PLXNA4: variants seen among roughly 807,000 people sequenced by gnomAD.
The protein encoded by PLXNA4 is plexin A4.
In PLXNA4, 44 loss-of-function variants were observed where a neutral mutation model predicts 191.8. The observed-to-expected ratio is 0.23, with a 90% CI of 0.18 to 0.29. PLXNA4 has a LOEUF of 0.29. Among genes scored for constraint, PLXNA4 ranks in the 10% least tolerant of loss-of-function variants. The pLI, the probability that PLXNA4 is intolerant of heterozygous loss-of-function variation, is 1.00. For synonymous variants in PLXNA4, 1,082 were observed against 1,009.5 expected (o/e 1.07, Z -1.36); for missense variants, 1,800 against 2,488.8 (o/e 0.72, Z 5.89).
At chr7:132,170,048 A>G (rs1584789742) in intron 21 of PLXNA4, among the ~76,000 whole-genome samples, 1 of 152,002 alleles carries the variant, frequency 6.6e-6, no homozygotes, top group South Asian at 2.1e-4. Flanking sequence ...GTTCTTTGAG[A>G]AGGAGTGTCA....
chr7:132,429,692 G>A lies in PLXNA4; in HGVS notation c.1371+59600C>T, dbSNP rs77213043. Among the ~76,000 whole-genome samples, 359 of 152,248 alleles carry A rather than the reference G, an allele frequency of 2.4e-3. 2 individuals are homozygous for A. Among genetic ancestry groups the A allele is most frequent in the African/African-American group, 8.2e-3 (342 of 41,544 alleles). On this transcript the variant is annotated intron_variant, in intron 3 of 31. Transcript: ENST00000321063. ...TCCAGTCCATGGGTTGGAGTTTGCC[G>A]ACTGTTGCTCTAGGATGTTGCTAGA... is the stretch of plus-strand genomic sequence containing the variant.
intron 19 of PLXNA4, 110 bp from the exon 20 acceptor site, chr7:132,180,031 C>A (rs1796654357): frequency 6.9e-6 from 10 of 1,447,402 alleles, no homozygotes; most frequent in Non-Finnish European, 9.1e-6. Context: ...GGAAAGGAGA[C>A]CAATCACTGG....
chr7:132,484,970 A>G, intron 3 of PLXNA4: 3 of 1,614,120 alleles, frequency 1.9e-6, no homozygotes, highest in Non-Finnish European at 1.7e-6. Context: ...CTCCACTCCA[A>G]TCCACTCCTG....
chr7:132,423,590 G>A (rs1794929701), intron 3 of PLXNA4, among the ~76,000 whole-genome samples: 2 of 152,198 alleles, frequency 1.3e-5, no homozygotes. Flanking sequence ...AAGAGGGGAA[G>A]TGACATCCTT....
chr7:132,297,699 C>A (rs11763799), intron 4 of PLXNA4, among the ~76,000 whole-genome samples: 5,707 of 152,224 alleles, frequency 0.037, 163 homozygotes, highest in Middle Eastern at 0.068. Flanking sequence ...GCAATAAATT[C>A]TTGATCCCAC....
Position 132,508,145 on chromosome 7 carries a change from C to T in PLXNA4, c.549G>A (p.Leu183=). 6.2e-7 allele frequency: 1 copy of T among 1,614,204 alleles called. No homozygotes were observed. Among genetic ancestry groups the T allele is most frequent in the Non-Finnish European group, 8.5e-7 (1 of 1,180,050 alleles). Residue 183 remains leucine, a synonymous_variant, in exon 2 of 32, where the codon CTG becomes CTA. Transcript: ENST00000321063. This position sits in a 1 kb window ranked among gnomAD's most constrained non-coding sequence, Gnocchi z 4.4. ...IVSYSNLDDK[L]FIATAVDGKP... Reference sequence around the variant, plus strand: ...TCCCATCCACTGCCGTGGCAATGAACAGCTTGTCATCCAGGTTGCTGTAGG... The same window carrying T: ...TCCCATCCACTGCCGTGGCAATGAATAGCTTGTCATCCAGGTTGCTGTAGG...
chr7:132,527,101 T>C (rs1012706273), intron 1 of PLXNA4, among the ~76,000 whole-genome samples: 1 of 152,186 alleles, frequency 6.6e-6, no homozygotes, highest in African/African-American at 2.4e-5. Context: ...TAATGGACAG[T>C]TGTAAATCCA....
intron 1 of PLXNA4, among the ~76,000 whole-genome samples, chr7:132,548,387 G>A (rs745531887): frequency 6.6e-6 from 1 of 152,156 alleles, no homozygotes; most frequent in African/African-American, 2.4e-5. Context: ...TTTAAAAAAT[G>A]TCCCACCATT....
intron 5 of PLXNA4, among the ~76,000 whole-genome samples, chr7:132,234,736 A>G (rs1798641556): frequency 6.6e-6 from 1 of 152,044 alleles, no homozygotes; most frequent in South Asian, 2.1e-4. Context: ...ATTCCAATGT[A>G]CTAGTATCTG....
At chr7:132,292,906 G>C (rs908839523) in intron 4 of PLXNA4, among the ~76,000 whole-genome samples, 1 of 152,192 alleles carries the variant, frequency 6.6e-6, no homozygotes, top group African/African-American at 2.4e-5. Flanking sequence ...CATGAGGAGG[G>C]ACCAGCCACA....
chr7:132,426,568 G>T (rs1275912882), intron 3 of PLXNA4, among the ~76,000 whole-genome samples: 1 of 152,150 alleles, frequency 6.6e-6, no homozygotes, highest in Non-Finnish European at 1.5e-5. Context: ...ATTTGCTCTA[G>T]TAGCAGATTT....
At chr7:132,477,356 G>C (rs1797170932) in intron 3 of PLXNA4, among the ~76,000 whole-genome samples, 1 of 152,158 alleles carries the variant, frequency 6.6e-6, no homozygotes, top group South Asian at 2.1e-4. Flanking sequence ...CCAAGCAGTA[G>C]CTTTAACAAC....
rs777261905 is a variant in PLXNA4, at chr7:132,227,533, C to T, written c.1800G>A (p.Glu600=). The change falls in exon 7 of 32, where the codon GAG becomes GAA. Residue 600 remains glutamate (E), a synonymous_variant. Coordinates refer to ENST00000321063, the MANE Select transcript of PLXNA4 (RefSeq NM_020911.2). ...GATTGCCCACGACCAGCCCATCCAT[C>T]TCTGACAGGTCCTCAAAGGTGCAGT... ...GVNCTFEDLS[E]MDGLVVGNQI... The T allele has an allele frequency of 8.7e-6, 14 of 1,614,096 alleles. No homozygotes were observed. Among genetic ancestry groups the T allele is most frequent in the Non-Finnish European group, 1.2e-5 (14 of 1,180,054 alleles).
chr7:132,484,310 C>G (rs912569927), intron 3 of PLXNA4, among the ~76,000 whole-genome samples: 3 of 152,178 alleles, frequency 2.0e-5, no homozygotes, highest in Non-Finnish European at 4.4e-5. Flanking sequence ...GAAAGACTAA[C>G]GACAGAATGC....
In PLXNA4 at chr7:132,278,989, T is replaced by C. The variant is rs542922980; in HGVS notation, c.1503+19102A>G. Among the ~76,000 whole-genome samples, 13 of 152,286 alleles carry C rather than the reference T, an allele frequency of 8.5e-5. No individual in the cohort carries two copies. The East Asian group carries it at 2.5e-3, about 29-fold the overall frequency. On this transcript the variant is annotated intron_variant, in intron 4 of 31. Transcript: ENST00000321063. ...GTGACTCGGCTGGCTCTGTACCACA[T>C]TGTGTCTCTTGCAAACTGCAGGTGG...
intron 3 of PLXNA4, among the ~76,000 whole-genome samples, chr7:132,317,495 G>A (rs1432831409): frequency 6.6e-6 from 1 of 152,062 alleles, no homozygotes; most frequent in African/African-American, 2.4e-5. Flanking sequence ...GGATTGGGTT[G>A]TGTTGTGTTC....
intron 25 of PLXNA4, among the ~76,000 whole-genome samples, chr7:132,156,624 G>T (rs914274383): frequency 5.3e-5 from 8 of 152,212 alleles, no homozygotes; most frequent in Admixed American, 1.3e-4. Context: ...GGCATGCTGT[G>T]CTGTCTTGGT....
chr7:132,468,962 G>C (rs1796814428), intron 3 of PLXNA4, among the ~76,000 whole-genome samples: 1 of 151,844 alleles, frequency 6.6e-6, no homozygotes. Context: ...ATGGCCTGTG[G>C]AATGCTCGAA....
At chr7:132,307,102 C>A (rs1246204268) in intron 3 of PLXNA4, among the ~76,000 whole-genome samples, 3 of 152,088 alleles carry the variant, frequency 2.0e-5, no homozygotes, top group African/African-American at 7.2e-5. Flanking sequence ...AAGTCCATCT[C>A]CCCACCAGAG....
Sources: allele counts gnomAD v4.1 joint callset (sites outside exome capture counted in the v4.1 genomes callset), GRCh38; gene constraint gnomAD v4.1.1; non-coding constraint Gnocchi (gnomAD v3.1); transcripts MANE v1.5; gene names NCBI Gene and HGNC (gene_info 2026-07-23, HGNC 2026-07-21).